Variants in CADM2 observed in about 807,000 individuals in gnomAD.
CADM2 encodes immunoglobulin superfamily member 4D.
A neutral mutation model predicts 49.8 loss-of-function variants in CADM2; 12 were observed. The ratio of observed to expected loss-of-function variants is 0.24; its 90% CI spans 0.15 to 0.39. The LOEUF (loss-of-function observed/expected upper bound fraction) is 0.39. Ranked by LOEUF, CADM2 falls within the 10% of genes least tolerant of loss-of-function variation. CADM2 has a pLI of 1.00. For synonymous variants in CADM2, 214 were observed against 175.4 expected, an observed-to-expected ratio of 1.22 and a Z score of -1.74; for missense variants, 378 against 492.3, an observed-to-expected ratio of 0.77 and a Z score of 2.20.
chr3:85,125,525 A>C (rs2039004984), intron 1 of CADM2, among the ~76,000 whole-genome samples: 1 of 151,960 alleles, frequency 6.6e-6, no homozygotes, highest in African/African-American at 2.4e-5. Context: ...CACCTGGTTA[A>C]TTTCTTCTAT....
Position 85,185,864 on chromosome 3 carries a change from A to G in CADM2, c.61+226196A>G, listed in dbSNP as rs560954120. On this transcript the variant is annotated intron_variant, in intron 1 of 9. Transcript: ENST00000383699. ...AGGGGAGAAAATACAAGAATGAGTG[A>G]ATACTTAATAAATATTTGTTGAATT... Among the ~76,000 whole-genome samples, 22 of 152,302 alleles carry G rather than the reference A, an allele frequency of 1.4e-4. 1 individual carries two copies. In the South Asian group the frequency reaches 4.1e-3, roughly 29 times the overall value.
At chr3:86,009,068 T>A (rs1351831261) in intron 8 of CADM2, among the ~76,000 whole-genome samples, 1 of 149,228 alleles carries the variant, frequency 6.7e-6, no homozygotes, top group Non-Finnish European at 1.5e-5. Flanking sequence ...CTTACAAGTT[T>A]AATAAATCCA....
intron 8 of CADM2, among the ~76,000 whole-genome samples, chr3:86,015,590 C>T (rs889986270): frequency 5.3e-5 from 8 of 152,104 alleles, no homozygotes; most frequent in South Asian, 2.1e-4. Context: ...AAGAAATTAC[C>T]GGAGAAAAGC....
chr3:85,968,366 G>GT (rs1342678715), intron 8 of CADM2, among the ~76,000 whole-genome samples: 6 of 151,562 alleles, frequency 4.0e-5, no homozygotes, highest in African/African-American at 1.5e-4. Flanking sequence ...GTGTATGTGT[G>GT]TGGGCACACT....
At chr3:85,423,211 C>T (rs1197108595) in intron 1 of CADM2, among the ~76,000 whole-genome samples, 1 of 152,118 alleles carries the variant, frequency 6.6e-6, no homozygotes, top group Non-Finnish European at 1.5e-5. Flanking sequence ...TGCCACCCTA[C>T]TCTTCTCCTG....
chr3:85,866,859 C>T (rs1490602908), intron 3 of CADM2, among the ~76,000 whole-genome samples: 1 of 151,990 alleles, frequency 6.6e-6, no homozygotes, highest in Non-Finnish European at 1.5e-5. Flanking sequence ...ACACATATAA[C>T]ACATACACAC....
chr3:85,751,992 A>C (rs1036411399), intron 2 of CADM2, among the ~76,000 whole-genome samples: 2 of 152,180 alleles, frequency 1.3e-5, no homozygotes, highest in Non-Finnish European at 2.9e-5. Context: ...AAAGGGCCCT[A>C]GCACAAAACA....
chr3:85,950,733 T>G (rs1723328397), intron 7 of CADM2, among the ~76,000 whole-genome samples: 1 of 151,092 alleles, frequency 6.6e-6, no homozygotes, highest in Non-Finnish European at 1.5e-5. Context: ...AGTCCATTTT[T>G]TATTTGCTAT....
chr3:85,737,409 G>C (rs145140289), intron 2 of CADM2, among the ~76,000 whole-genome samples: 1 of 152,120 alleles, frequency 6.6e-6, no homozygotes, highest in African/African-American at 2.4e-5. Flanking sequence ...TATTCTAGTT[G>C]TTTCTATTTT....
intron 1 of CADM2, among the ~76,000 whole-genome samples, chr3:85,606,799 T>C (rs1224479565): frequency 6.6e-6 from 1 of 152,100 alleles, no homozygotes; most frequent in Admixed American, 6.6e-5. Flanking sequence ...CCTGGCTTTT[T>C]TTTTCTTCTG....
intron 2 of CADM2, among the ~76,000 whole-genome samples, chr3:85,728,390 G>A (rs896162446): frequency 6.6e-6 from 1 of 152,046 alleles, no homozygotes; most frequent in Admixed American, 6.6e-5. Context: ...GCAATGACAC[G>A]TTCAAAAATT....
intron 1 of CADM2, among the ~76,000 whole-genome samples, chr3:85,291,731 C>G (rs2043803254): frequency 6.8e-6 from 1 of 147,274 alleles, no homozygotes; most frequent in African/African-American, 2.7e-5. Context: ...TACAGACAAG[C>G]AAATGCTGAG....
chr3:85,812,662 C>T (rs988936143), intron 3 of CADM2, among the ~76,000 whole-genome samples: 8 of 152,070 alleles, frequency 5.3e-5, no homozygotes, highest in African/African-American at 1.9e-4. Context: ...AACCCATCAC[C>T]TACATTAAGT....
At chr3:85,132,438 C>T (rs566582507) in intron 1 of CADM2, among the ~76,000 whole-genome samples, 2 of 152,270 alleles carry the variant, frequency 1.3e-5, no homozygotes, top group Admixed American at 6.5e-5. Flanking sequence ...ACCTGGCAGG[C>T]AAGAGTTGGT....
chr3:85,279,336 A>G (rs1044002464), intron 1 of CADM2, among the ~76,000 whole-genome samples: 1 of 151,562 alleles, frequency 6.6e-6, no homozygotes, highest in African/African-American at 2.4e-5. Flanking sequence ...AACAGTCTTT[A>G]AAAAGTGAAG....
intron 7 of CADM2, among the ~76,000 whole-genome samples, chr3:85,939,658 A>G (rs1721613671): frequency 6.6e-6 from 1 of 151,994 alleles, no homozygotes; most frequent in Non-Finnish European, 1.5e-5. Context: ...TTTCAGTGAG[A>G]TAAATATGTA....
At chr3:85,614,918 A>T (rs1208338801) in intron 1 of CADM2, among the ~76,000 whole-genome samples, 1 of 151,958 alleles carries the variant, frequency 6.6e-6, no homozygotes, top group Non-Finnish European at 1.5e-5. Flanking sequence ...CTTTTCATAT[A>T]AATGTTAAAA....
At chr3:85,729,079 G>A (rs898408138) in intron 2 of CADM2, among the ~76,000 whole-genome samples, 1 of 152,054 alleles carries the variant, frequency 6.6e-6, no homozygotes, top group Non-Finnish European at 1.5e-5. Context: ...TTCTCCAATG[G>A]CCAAATCCAA....
Position 85,216,306 on chromosome 3 carries a change from A to G in CADM2, c.61+256638A>G, listed in dbSNP as rs371717520. On this transcript the variant is annotated intron_variant, in intron 1 of 9. Coordinates refer to ENST00000383699, the MANE Select transcript of CADM2 (RefSeq NM_001167675.2). ...ATATTTATATTTAATATATTTATAT[A>G]TATTTAACATATTAATATATATTTA... Among the ~76,000 whole-genome samples, 841 of 146,918 alleles carry G rather than the reference A, an allele frequency of 5.7e-3. 4 individuals carry two copies. The highest frequency in any genetic ancestry group is 9.8e-3 in the Non-Finnish European group (656 of 66,892).
Sources: allele counts gnomAD v4.1 joint callset (sites outside exome capture counted in the v4.1 genomes callset), GRCh38; gene constraint gnomAD v4.1.1; transcripts MANE v1.5; gene names NCBI Gene and HGNC (gene_info 2026-07-23, HGNC 2026-07-21).